The following CCDC62 variants were observed in gnomAD, a reference collection of about 807,000 sequenced individuals.
CCDC62 encodes the protein coiled-coil domain containing 62.
CCDC62 carries 72 observed loss-of-function variants against 80.8 expected under a neutral mutation model. The ratio of observed to expected loss-of-function variants is 0.89; its 90% CI spans 0.74 to 1.08. The LOEUF (loss-of-function observed/expected upper bound fraction) is 1.08, where lower values mean the gene tolerates loss of function less well. CCDC62 is among the 50% of genes least tolerant of loss of function. CCDC62 has a pLI of 0.00. For missense variants in CCDC62, 704 were observed against 809.4 expected, an observed-to-expected ratio of 0.87 and a Z score of 1.58; for synonymous variants, 286 against 296.5, an observed-to-expected ratio of 0.96 and a Z score of 0.36.
intron 11 of CCDC62, among the ~76,000 whole-genome samples, chr12:122,816,337 T>C (rs77319435): frequency 0.046 from 6,966 of 152,324 alleles, 256 homozygotes; most frequent in African/African-American, 0.091. Context: ...TTTAAATGTA[T>C]GCAGTGAGGC....
intron 12 of CCDC62, among the ~76,000 whole-genome samples, chr12:122,824,037 T>C (rs926573606): frequency 6.6e-6 from 1 of 151,950 alleles, no homozygotes. Context: ...TCTAGGGAAG[T>C]GAATACATAG....
intron 12 of CCDC62, among the ~76,000 whole-genome samples, chr12:122,825,814 C>T (rs1319003700): frequency 1.8e-5 from 2 of 108,356 alleles, no homozygotes; most frequent in Non-Finnish European, 4.0e-5. Context: ...GGCGAAACCC[C>T]GTCTCTACTA....
At chr12:122,821,985 T>G (rs1359945631) in intron 11 of CCDC62, among the ~76,000 whole-genome samples, 1 of 149,870 alleles carries the variant, frequency 6.7e-6, no homozygotes, top group African/African-American at 2.5e-5. Context: ...TCCTAGCCCT[T>G]TGGGAGGCTG....
At chr12:122,783,376 C>A (rs1241040370) in intron 3 of CCDC62, among the ~76,000 whole-genome samples, 2 of 151,574 alleles carry the variant, frequency 1.3e-5, no homozygotes, top group African/African-American at 4.8e-5. Flanking sequence ...TACAGGCGCC[C>A]GCCACCACGC....
intron 12 of CCDC62, among the ~76,000 whole-genome samples, chr12:122,824,394 G>A (rs536164850): frequency 6.6e-6 from 1 of 150,662 alleles, no homozygotes; most frequent in South Asian, 2.1e-4. Context: ...CCAGCCGGGC[G>A]ACAATAATGA....
At chr12:122,812,452 A>G (rs2031934126) in intron 10 of CCDC62, among the ~76,000 whole-genome samples, 2 of 150,964 alleles carry the variant, frequency 1.3e-5, no homozygotes, top group African/African-American at 2.4e-5. Context: ...CAAAAAAAAA[A>G]AAAAGAGGCC....
Position 122,797,331 on chromosome 12 carries a change from A to G in CCDC62, c.797A>G (p.Glu266Gly), listed in dbSNP as rs751409749. The G allele has an allele frequency of 2.0e-5, 31 of 1,584,534 alleles. No individual in the cohort carries two copies. Among genetic ancestry groups the G allele is most frequent in the African/African-American group, 2.7e-5 (2 of 74,256 alleles). ...GTAGAGAGAGAAAAGAGGAAAGATG[A>G]ATTGCTTAATATTGCGAAGTCAAAG... ...FTVEREKRKD[E>G]LLNIAKSKQE... Residue 266 changes from glutamate to glycine, a missense_variant, in exon 7 of 13, where the codon GAA (glutamate) becomes GGA (glycine). Transcript: ENST00000253079.
chr12:122,827,305 C>T lies in CCDC62; in HGVS notation c.*924C>T, dbSNP rs568117523. ...ACTGAACCTGGCAAGTTAATTTCCT[C>T]AGGAATGGGGATGTATTTTTTTAAG... On this transcript the variant is annotated 3_prime_UTR_variant, in exon 13 of 13. Transcript: ENST00000253079. The T allele has an allele frequency of 7.2e-4, 109 of 152,192 alleles. No homozygotes were observed. Among genetic ancestry groups the T allele is most frequent in the African/African-American group, 1.8e-3 (75 of 41,522 alleles). 9.4% of individuals were successfully genotyped at this position (152,192 alleles called of 1,614,324 possible).
rs1214801119 is a variant in CCDC62 at position 122,798,145 on chromosome 12, GA to G, written c.924del (p.Glu308AspfsTer2). ...TAATTTCAATGTGGAAAATTCTCAG[GA>G]ATTAATACAGATGTATGACTCAAAG... is the stretch of plus-strand genomic sequence containing the variant. ...FLNFNVENSQ[E>X]LIQMYDSKME... On this transcript the variant is annotated frameshift_variant, in exon 8 of 13. Transcript: ENST00000253079. LOFTEE classifies it high-confidence loss of function. The G allele has an allele frequency of 3.1e-6, 5 of 1,599,800 alleles. No individual in the cohort carries two copies. The highest frequency in any genetic ancestry group is 3.4e-6 in the Non-Finnish European group (4 of 1,167,288).
chr12:122,824,261 C>G (rs2032522018), intron 12 of CCDC62, among the ~76,000 whole-genome samples: 1 of 151,790 alleles, frequency 6.6e-6, no homozygotes, highest in African/African-American at 2.4e-5. Context: ...ACTAAAAATA[C>G]AAAAATTAGC....
At chr12:122,816,766 A>G (rs2032181601) in intron 11 of CCDC62, among the ~76,000 whole-genome samples, 1 of 151,862 alleles carries the variant, frequency 6.6e-6, no homozygotes, top group Admixed American at 6.6e-5. Flanking sequence ...TTTATTATTT[A>G]CATACAATTC....
chr12:122,813,027 AC>A (rs376683677), intron 10 of CCDC62, among the ~76,000 whole-genome samples: 38 of 59,044 alleles, frequency 6.4e-4, no homozygotes, highest in Admixed American at 1.5e-3. Flanking sequence ...GTGAGATCCC[AC>A]CTCTACCAAA....
intron 4 of CCDC62, among the ~76,000 whole-genome samples, chr12:122,787,853 A>G (rs1042675133): frequency 1.3e-5 from 2 of 152,094 alleles, no homozygotes; most frequent in African/African-American, 4.8e-5. Flanking sequence ...TTATCAAAGG[A>G]GCAAGTAGGA....
intron 3 of CCDC62, among the ~76,000 whole-genome samples, chr12:122,783,447 C>T (rs989315986): frequency 6.6e-5 from 10 of 151,972 alleles, no homozygotes; most frequent in African/African-American, 1.9e-4. Flanking sequence ...AGGATGGTTT[C>T]GATCTCCTGA....
Position 122,806,503 on chromosome 12 carries a change from A to G in CCDC62, c.1851+208A>G, listed in dbSNP as rs192088975. Among the ~76,000 whole-genome samples the G allele has an allele frequency of 1.3e-3, 203 of 150,610 alleles. 1 individual carries two copies. Among genetic ancestry groups the G allele is most frequent in the African/African-American group, 4.4e-3 (178 of 40,868 alleles). On this transcript the variant is annotated intron_variant, in intron 10 of 12. Coordinates refer to ENST00000253079, the MANE Select transcript of CCDC62 (RefSeq NM_201435.5). ...TTGTGTTTTGTTCTGTTTCTTTGAG[A>G]CAGGATACTCAGTCACCCAGGCTGT...
rs2030232245 is a variant in CCDC62 at position 122,786,361 on chromosome 12, G to A, written c.498+541G>A. On this transcript the variant is annotated intron_variant, in intron 4 of 12. Transcript: ENST00000253079. ...GACGGGGTTTCACCGTGTTAGCCAG[G>A]ATGGTCTCGATCTCCTGACCTCGTG... Among the ~76,000 whole-genome samples the A allele has an allele frequency of 3.3e-5, 5 of 152,080 alleles. No homozygotes were observed. The South Asian group carries it at 1.0e-3, about 32-fold the overall frequency.
chr12:122,801,000 G>A, intron 8 of CCDC62, 124 bp from the exon 9 acceptor site: 2 of 1,004,302 alleles, frequency 2.0e-6, no homozygotes, highest in East Asian at 2.4e-5. Flanking sequence ...CTGGAATTGG[G>A]CTCTGAGGTT....
At chr12:122,795,523 A>G (rs553050603) in intron 6 of CCDC62, among the ~76,000 whole-genome samples, 1 of 151,954 alleles carries the variant, frequency 6.6e-6, no homozygotes, top group Non-Finnish European at 1.5e-5. Flanking sequence ...TCCTGGGTTC[A>G]TGCCATTCTC....
At chr12:122,822,060 A>C (rs1489165940) in intron 11 of CCDC62, among the ~76,000 whole-genome samples, 8 of 115,764 alleles carry the variant, frequency 6.9e-5, no homozygotes, top group African/African-American at 1.9e-4. Flanking sequence ...TATAAATTTA[A>C]ACACACACAC....
Sources: gnomAD v4.1 joint callset for allele counts (sites outside exome capture counted in the v4.1 genomes callset) on GRCh38, gnomAD v4.1.1 for gene constraint, MANE v1.5 for transcripts, NCBI Gene and HGNC (gene_info 2026-07-23, HGNC 2026-07-21) for gene names.